Variants in FBH1 observed in about 807,000 individuals in gnomAD.
FBH1 encodes the protein F-box DNA helicase 1, also known as DNA 3'-5' helicase 1.
FBH1 carries 43 observed loss-of-function variants against 115.5 expected under a neutral mutation model. The observed-to-expected ratio is 0.37, with a 90% CI of 0.29 to 0.48. FBH1 has a LOEUF of 0.48. Among genes scored for constraint, FBH1 ranks in the 20% least tolerant of loss-of-function variants. The probability of loss-of-function intolerance (pLI) is 0.99; values close to 1 mark genes in which losing one functional copy is unlikely to be tolerated. For synonymous variants in FBH1, 524 were observed against 507.8 expected (o/e 1.03, Z -0.43); for missense variants, 1,001 against 1,337.3 (o/e 0.75, Z 3.92).
chr10:5,891,800 C>T (rs776484046), intron 1 of FBH1, among the ~76,000 whole-genome samples: 2 of 152,014 alleles, frequency 1.3e-5, no homozygotes, highest in Admixed American at 6.6e-5. Context: ...TTAGTAGAGA[C>T]GGGGTTTCAC....
At position 5,909,131 on chromosome 10, in the gene FBH1, C is replaced by T. The variant is rs1028328036; in HGVS notation, c.885-28C>T. The T allele has an allele frequency of 1.2e-6, 2 of 1,613,290 alleles. No homozygotes were observed. Among genetic ancestry groups the T allele is most frequent in the African/African-American group, 1.3e-5 (1 of 74,930 alleles). ...CATCAGTGCTTATGGTCACCCTACT[C>T]ATGGCCTCTCCTGTGAATGTCTTAC... On this transcript the variant is annotated intron_variant, in intron 4 of 20. Coordinates refer to ENST00000362091, the MANE Select transcript of FBH1 (RefSeq NM_178150.3). The surrounding 1 kb of genome is among the most constrained non-coding windows in gnomAD (Gnocchi z 4.4).
At position 5,895,738 on chromosome 10, in the gene FBH1, A is replaced by G. The variant is rs1201267091; in HGVS notation, c.1+5392A>G. On this transcript the variant is annotated intron_variant, in intron 1 of 20. Coordinates refer to ENST00000362091, the MANE Select transcript of FBH1 (RefSeq NM_178150.3). This position sits in a 1 kb window ranked among gnomAD's most constrained non-coding sequence, Gnocchi z 5.0. ...GCTGCTGGAGGCTCTTCTATTTTGA[A>G]CACCCGGCTTCTAAGGATGTCCTGG... 6.6e-6 allele frequency among the ~76,000 whole-genome samples: 1 copy of G among 152,126 alleles called. No individual in the cohort carries two copies. The highest frequency in any genetic ancestry group is 1.5e-5 in the Non-Finnish European group (1 of 68,034).
chr10:5,924,060 C>G lies in FBH1; in HGVS notation c.2399-251C>G, dbSNP rs921225688. 6 of 581,578 alleles carry G rather than the reference C, an allele frequency of 1.0e-5. No homozygotes were observed. The highest frequency in any genetic ancestry group is 2.1e-5 in the South Asian group (1 of 47,298). 36.0% of individuals were successfully genotyped at this position (581,578 alleles called of 1,614,324 possible). A position where few individuals can be genotyped will look rare whatever the true frequency, so the allele number is the denominator to read the frequency against. ...TCTTTTCCTGTTGACTGCACTATTTCAAATCCCTGTGAAGTAGGTGAGGAT... is the reference window on the plus strand; with the variant it reads ...TCTTTTCCTGTTGACTGCACTATTTGAAATCCCTGTGAAGTAGGTGAGGAT... On this transcript the variant is annotated intron_variant, in intron 16 of 20. Transcript: ENST00000362091. The surrounding 1 kb of genome is among the most constrained non-coding windows in gnomAD (Gnocchi z 6.2).
At chr10:5,896,630 C>T (rs1346966378) in intron 1 of FBH1, among the ~76,000 whole-genome samples, 8 of 152,036 alleles carry the variant, frequency 5.3e-5, no homozygotes, top group Non-Finnish European at 1.0e-4. Flanking sequence ...GCACAGATGC[C>T]GAATTTGGTG....
At chr10:5,928,213 C>A (rs1238983741) in intron 19 of FBH1, 1 of 142,586 alleles carries the variant, frequency 7.0e-6, no homozygotes, top group South Asian at 2.4e-4. Flanking sequence ...TGCAGTGGCA[C>A]AGTCATCACT....
At chr10:5,907,513 A>T (rs1236734706) in intron 3 of FBH1, among the ~76,000 whole-genome samples, 2 of 123,660 alleles carry the variant, frequency 1.6e-5, no homozygotes, top group Non-Finnish European at 3.3e-5. Context: ...TTGCTCTGTC[A>T]CCCAGGCTGG....
At position 5,892,494 on chromosome 10, in the gene FBH1, TCTGG is replaced by T. The variant is rs1589038436; in HGVS notation, c.1+2152_1+2155del. Among the ~76,000 whole-genome samples the T allele has an allele frequency of 2.6e-5, 4 of 152,376 alleles. No individual in the cohort carries two copies. The East Asian group carries it at 7.7e-4, about 29-fold the overall frequency. On this transcript the variant is annotated intron_variant, in intron 1 of 20. Coordinates refer to ENST00000362091, the MANE Select transcript of FBH1 (RefSeq NM_178150.3). ...TGAATTTGGATTCCATCTTTGCCTTTCTGGCTGTGAAATTACCTACTTTTAGAAA... is the reference window on the plus strand; with the variant it reads ...TGAATTTGGATTCCATCTTTGCCTTTCTGTGAAATTACCTACTTTTAGAAA...
At chr10:5,893,396 A>T (rs1278747012) in intron 1 of FBH1, among the ~76,000 whole-genome samples, 1 of 152,036 alleles carries the variant, frequency 6.6e-6, no homozygotes, top group African/African-American at 2.4e-5. Context: ...TTGAAGCCCA[A>T]TTTCTTTATC....
rs1490234616 is a variant in FBH1 at position 5,925,431 on chromosome 10, T to C, written c.2661T>C (p.Asp887=). ...AGTTTGACACTGTGCATGTTTTGGA[T>C]GATTTTGTGAAAGTGCCTTGTGCCC... ...GLEFDTVHVL[D]DFVKVPCARH... is the part of the protein sequence containing the mutation. The change falls in exon 18 of 21, where the codon GAT becomes GAC. Residue 887 remains aspartate (D), a synonymous_variant. Transcript: ENST00000362091. This position sits in a 1 kb window ranked among gnomAD's most constrained non-coding sequence, Gnocchi z 4.6. The C allele has an allele frequency of 6.2e-7, 1 of 1,614,218 alleles. No homozygotes were observed. The highest frequency in any genetic ancestry group is 1.7e-5 in the Admixed American group (1 of 60,032).
chr10:5,924,423 C>T lies in FBH1; in HGVS notation c.2511C>T (p.Ile837=), dbSNP rs560745981. The T allele has an allele frequency of 4.3e-5, 70 of 1,614,122 alleles. No individual in the cohort carries two copies. In the South Asian group the frequency reaches 4.5e-4, roughly 10 times the overall value. The change falls in exon 17 of 21, where the codon ATC becomes ATT. Residue 837 remains isoleucine (I), a synonymous_variant. Transcript: ENST00000362091. This position sits in a 1 kb window ranked among gnomAD's most constrained non-coding sequence, Gnocchi z 6.2. ...AAEDKELEAK[I]AVVEKYNIRI... ...AGGACAAGGAGCTTGAAGCCAAGAT[C>T]GCAGTTGTTGAAAAGTATAACATCA...
intron 19 of FBH1, among the ~76,000 whole-genome samples, chr10:5,928,963 C>T (rs551978742): frequency 2.6e-5 from 4 of 152,300 alleles, no homozygotes; most frequent in Admixed American, 1.3e-4. Context: ...TGAGCCGCGC[C>T]GTACTGCCCT....
Position 5,931,840 on chromosome 10 carries a change from G to A in FBH1, c.2829+4299G>A, listed in dbSNP as rs906274231. On this transcript the variant is annotated intron_variant, in intron 19 of 20. Coordinates refer to ENST00000362091, the MANE Select transcript of FBH1 (RefSeq NM_178150.3). This position sits in a 1 kb window ranked among gnomAD's most constrained non-coding sequence, Gnocchi z 4.3. ...TTCTTGATGTGTAAGGCCTGTTAAT[G>A]TTTTCAAAGTCAAAACCTTGCGCCT... is the stretch of plus-strand genomic sequence containing the variant. Among the ~76,000 whole-genome samples the A allele has an allele frequency of 2.0e-5, 3 of 152,116 alleles. No homozygotes were observed. Among genetic ancestry groups the A allele is most frequent in the African/African-American group, 7.2e-5 (3 of 41,416 alleles).
Position 5,918,261 on chromosome 10 carries a change from TG to T in FBH1, c.1964-79del. On this transcript the variant is annotated intron_variant, in intron 12 of 20. Coordinates refer to ENST00000362091, the MANE Select transcript of FBH1 (RefSeq NM_178150.3). This position sits in a 1 kb window ranked among gnomAD's most constrained non-coding sequence, Gnocchi z 4.0. ...TCCAGTGTGCCCTGGCTTAGCTTCG[TG>T]GAAGTGTTTTTGTCCTTTTCTTTTT... The T allele has an allele frequency of 1.3e-6, 2 of 1,556,292 alleles. No homozygotes were observed. The highest frequency in any genetic ancestry group is 1.7e-6 in the Non-Finnish European group (2 of 1,151,458).
chr10:5,893,456 C>G (rs1463354976), intron 1 of FBH1, among the ~76,000 whole-genome samples: 1 of 152,174 alleles, frequency 6.6e-6, no homozygotes, highest in African/African-American at 2.4e-5. Context: ...CCTTTTCCAG[C>G]CTTATCTCCT....
At position 5,933,729 on chromosome 10, in the gene FBH1, G is replaced by C. The variant is rs530405578; in HGVS notation, c.2830-2727G>C. On this transcript the variant is annotated intron_variant, in intron 19 of 20. Coordinates refer to ENST00000362091, the MANE Select transcript of FBH1 (RefSeq NM_178150.3). The surrounding 1 kb of genome is among the most constrained non-coding windows in gnomAD (Gnocchi z 4.9). ...GTGATCTTGGCTCACCGCAACCTCGGCCTCCTGGGTTCAAGCTGTTCTCCT... is the reference window on the plus strand; with the variant it reads ...GTGATCTTGGCTCACCGCAACCTCGCCCTCCTGGGTTCAAGCTGTTCTCCT... Among the ~76,000 whole-genome samples, 1 of 152,002 alleles carries C rather than the reference G, an allele frequency of 6.6e-6. No individual in the cohort carries two copies. Among genetic ancestry groups the C allele is most frequent in the Non-Finnish European group, 1.5e-5 (1 of 67,952 alleles).
In FBH1 at chr10:5,923,588, A is replaced by T. The variant is rs1327650151; in HGVS notation, c.2323-33A>T. ...AACAAAACAAAACAAAAAACAACAA[A>T]AAAACAAAAATCCCACCAAAAAACT... On this transcript the variant is annotated intron_variant, in intron 15 of 20. Transcript: ENST00000362091. The surrounding 1 kb of genome is among the most constrained non-coding windows in gnomAD (Gnocchi z 5.7). The T allele has an allele frequency of 6.3e-7, 1 of 1,585,028 alleles. No individual in the cohort carries two copies. Among genetic ancestry groups the T allele is most frequent in the African/African-American group, 1.4e-5 (1 of 73,572 alleles).
chr10:5,915,079 G>T lies in FBH1; in HGVS notation c.1397-324G>T, dbSNP rs1344465109. Among the ~76,000 whole-genome samples, 2 of 152,198 alleles carry T rather than the reference G, an allele frequency of 1.3e-5. No homozygotes were observed. The highest frequency in any genetic ancestry group is 3.9e-4 in the East Asian group (2 of 5,180). ...CCCTAACCCTACCCTCCTATCCTGA[G>T]GGGTCCTTTTTGCCCTCGGGAACCC... On this transcript the variant is annotated intron_variant, in intron 8 of 20. Transcript: ENST00000362091. This position sits in a 1 kb window ranked among gnomAD's most constrained non-coding sequence, Gnocchi z 5.2.
chr10:5,924,194 G>A lies in FBH1; in HGVS notation c.2399-117G>A, dbSNP rs1014242527. 53 of 954,904 alleles carry A rather than the reference G, an allele frequency of 5.6e-5. No individual in the cohort carries two copies. The highest frequency in any genetic ancestry group is 7.3e-5 in the Non-Finnish European group (46 of 629,584). The allele number at this position is 954,904 out of a possible 1,614,324, so 59.2% of individuals were successfully genotyped here. On this transcript the variant is annotated intron_variant, in intron 16 of 20. Transcript: ENST00000362091. The surrounding 1 kb of genome is among the most constrained non-coding windows in gnomAD (Gnocchi z 6.2). ...AGTGATGCAGTCAGGCCTGGAACCC[G>A]GGTCTCCCCACTTTAAGACCATCTG...
rs1832942706 is a variant in FBH1, at chr10:5,931,033, GATTAT to G, written c.2829+3494_2829+3498del. Among the ~76,000 whole-genome samples the G allele has an allele frequency of 6.6e-6, 1 of 152,146 alleles. No individual in the cohort carries two copies. The highest frequency in any genetic ancestry group is 6.6e-5 in the Admixed American group (1 of 15,266). ...CTACCTCAGCCTCCCAAAGTTCTGG[GATTAT>G]AGGTGTGACACCAGGCAAATTTCAA... On this transcript the variant is annotated intron_variant, in intron 19 of 20. Coordinates refer to ENST00000362091, the MANE Select transcript of FBH1 (RefSeq NM_178150.3). The surrounding 1 kb of genome is among the most constrained non-coding windows in gnomAD (Gnocchi z 4.3).
Sources: allele counts gnomAD v4.1 joint callset (sites outside exome capture counted in the v4.1 genomes callset), GRCh38; gene constraint gnomAD v4.1.1; non-coding constraint Gnocchi (gnomAD v3.1); transcripts MANE v1.5; gene names NCBI Gene and HGNC (gene_info 2026-07-23, HGNC 2026-07-21).